The following CDC45 variants were observed in gnomAD, a reference collection of about 807,000 sequenced individuals.
CDC45 encodes cell division control protein 45 homolog.
CDC45 carries 54 observed loss-of-function variants against 77.8 expected under a neutral mutation model. That is an observed-to-expected ratio of 0.69 (90% CI 0.56 to 0.87). The LOEUF is 0.87. CDC45 is among the 40% of genes least tolerant of loss of function. CDC45 has a pLI of 0.00. For missense variants in CDC45, 649 were observed against 721.6 expected (o/e 0.90, Z 1.15); for synonymous variants, 260 against 272.1 (o/e 0.96, Z 0.44).
In CDC45 at chr22:19,511,615, C is replaced by A. The variant is rs976948826; in HGVS notation, c.1217+2924C>A. 2.2e-4 allele frequency among the ~76,000 whole-genome samples: 33 copies of A among 152,154 alleles called. 1 individual carries two copies. The highest frequency in any genetic ancestry group is 5.2e-4 in the Admixed American group (8 of 15,274). On this transcript the variant is annotated intron_variant, in intron 13 of 18. Coordinates refer to ENST00000263201, the MANE Select transcript of CDC45 (RefSeq NM_003504.5). Reference sequence around the variant, plus strand: ...AAAGCACTGGGATTATAGGTATGAACCACCGTGCCCAGCCTAAAACTTTTA... The same window carrying A: ...AAAGCACTGGGATTATAGGTATGAAACACCGTGCCCAGCCTAAAACTTTTA...
chr22:19,515,361 C>T (rs1003364568), intron 15 of CDC45, among the ~76,000 whole-genome samples: 2 of 152,138 alleles, frequency 1.3e-5, no homozygotes. Flanking sequence ...GTTGTAGCAC[C>T]GACTGGCTTC....
chr22:19,516,700 A>G (rs1362730636), intron 16 of CDC45, 55 bp downstream of exon 16: 2 of 1,477,504 alleles, frequency 1.4e-6, no homozygotes, highest in East Asian at 2.4e-5. Flanking sequence ...TGGGGTTATC[A>G]GCTTATTAGC....
intron 7 of CDC45, among the ~76,000 whole-genome samples, chr22:19,496,848 C>T (rs1306249157): frequency 6.6e-6 from 1 of 152,134 alleles, no homozygotes; most frequent in Non-Finnish European, 1.5e-5. Flanking sequence ...TTAAATGCTC[C>T]GATGTGGACA....
At position 19,520,478 on chromosome 22, in the gene CDC45, T is replaced by C. The variant is rs912067105; in HGVS notation, c.*2-3T>C. Reference sequence around the variant, plus strand: ...ACTTGTTTTTTCTTGTTTTGTTTTCTAGAATTTGATTCTTCCAGAATGACC... The same window carrying C: ...ACTTGTTTTTTCTTGTTTTGTTTTCCAGAATTTGATTCTTCCAGAATGACC... On this transcript the variant is annotated splice_polypyrimidine_tract_variant and splice_region_variant and intron_variant, in intron 18 of 18. Transcript: ENST00000263201. This position sits in a 1 kb window ranked among gnomAD's most constrained non-coding sequence, Gnocchi z 4.5. 3.3e-5 allele frequency: 5 copies of C among 152,270 alleles called. No individual in the cohort carries two copies. Among genetic ancestry groups the C allele is most frequent in the African/African-American group, 1.2e-4 (5 of 41,468 alleles). 9.4% of individuals were successfully genotyped at this position (152,270 alleles called of 1,614,324 possible). A position where few individuals can be genotyped will look rare whatever the true frequency, so the allele number is the denominator to read the frequency against.
At chr22:19,515,867 C>G (rs1933758566) in intron 15 of CDC45, among the ~76,000 whole-genome samples, 1 of 152,112 alleles carries the variant, frequency 6.6e-6, no homozygotes, top group Non-Finnish European at 1.5e-5. Context: ...ATTCATTTAC[C>G]AGACATGTAT....
intron 12 of CDC45, 138 bp from the exon 13 acceptor site, chr22:19,508,392 C>T (rs1601973775): frequency 2.2e-6 from 2 of 915,642 alleles, no homozygotes; most frequent in Non-Finnish European, 3.5e-6. Context: ...TCTGACCTGC[C>T]TCATCCTCTG....
At chr22:19,483,147 T>C (rs369823207) in intron 4 of CDC45, among the ~76,000 whole-genome samples, 78 of 151,966 alleles carry the variant, frequency 5.1e-4, no homozygotes, top group African/African-American at 1.5e-3. Context: ...TGAAATGGAG[T>C]CTTGGCTGGG....
At chr22:19,505,532 G>A (rs778061256) in intron 10 of CDC45, 51 bp downstream of exon 10, 21 of 1,603,322 alleles carry the variant, frequency 1.3e-5, no homozygotes, top group Admixed American at 3.3e-5. Context: ...CTGCTCAGCA[G>A]GCCTTGTTTG....
rs60107800 is a variant in CDC45 at position 19,493,239 on chromosome 22, G to GTTGTTTTGTTTTGTT, written c.487-1072_487-1058dup. Among the ~76,000 whole-genome samples, 299 of 146,894 alleles carry GTTGTTTTGTTTTGTT rather than the reference G, an allele frequency of 2.0e-3. 1 individual carries two copies. The highest frequency in any genetic ancestry group is 4.5e-3 in the African/African-American group (177 of 39,366). On this transcript the variant is annotated intron_variant, in intron 5 of 18. Transcript: ENST00000263201. The stretch of plus-strand genomic sequence containing the variant: ...GCAGCTTTTGTGGGTTTTTTTTTTT[G>GTTGTTTTGTTTTGTT]TTGTTTTGTTTTGTTTTGTTTTGTT...
Position 19,494,362 on chromosome 22 carries a change from G to A in CDC45, c.522G>A (p.Arg174=). 6.2e-7 allele frequency: 1 copy of A among 1,613,396 alleles called. No homozygotes were observed. The highest frequency in any genetic ancestry group is 8.5e-7 in the Non-Finnish European group (1 of 1,180,004). The change falls in exon 6 of 19, where the codon CGG becomes CGA. Residue 174 remains arginine, a synonymous_variant. Transcript: ENST00000263201. ...AGCAAACCATGCGGAGGAGGCAGCG[G>A]CGAGAGTGGGAGGCCCGGAGGTGAG... ...IVEQTMRRRQ[R]REWEARRRDI...
At chr22:19,512,604 G>A (rs549356599) in intron 13 of CDC45, among the ~76,000 whole-genome samples, 1 of 152,264 alleles carries the variant, frequency 6.6e-6, no homozygotes, top group South Asian at 2.1e-4. Context: ...TTTAGACATT[G>A]TCTACCAACT....
In CDC45 at chr22:19,496,044, GT is replaced by G; in HGVS notation, c.591+16del. The G allele has an allele frequency of 1.3e-6, 2 of 1,571,906 alleles. No homozygotes were observed. The highest frequency in any genetic ancestry group is 2.2e-5 in the South Asian group (2 of 90,038). ...ATGGGACATCGGTAAGTATGAATAG[GT>G]GGAACTCACTATAAAGTTCTGACTC... On this transcript the variant is annotated intron_variant, in intron 7 of 18. Coordinates refer to ENST00000263201, the MANE Select transcript of CDC45 (RefSeq NM_003504.5).
rs759588471 is a variant in CDC45, at chr22:19,483,909, T to C, written c.390T>C (p.Tyr130=). The C allele has an allele frequency of 9.3e-6, 15 of 1,613,432 alleles. No homozygotes were observed. The highest frequency in any genetic ancestry group is 1.6e-4 in the Middle Eastern group (1 of 6,082). Reference sequence around the variant, plus strand: ...ATGATGACCTTGAAGTTCCCGCCTATGAAGACATCTTCAGGGATGAAGAGG... The same window carrying C: ...ATGATGACCTTGAAGTTCCCGCCTACGAAGACATCTTCAGGGATGAAGAGG... ...KQDDDLEVPA[Y]EDIFRDEEED... is the part of the protein sequence containing the mutation. Residue 130 remains tyrosine, a synonymous_variant, in exon 5 of 19, where the codon TAT becomes TAC. Coordinates refer to ENST00000263201, the MANE Select transcript of CDC45 (RefSeq NM_003504.5).
Position 19,482,679 on chromosome 22 carries a change from C to CT in CDC45, c.205-4dup. On this transcript the variant is annotated splice_polypyrimidine_tract_variant and intron_variant, in intron 3 of 18. Transcript: ENST00000263201. ...GATATAGCTACTTTACAATATCTTCCTTTTTTTCAGTTTCATTATTTTATT... is the reference window on the plus strand; with the variant it reads ...GATATAGCTACTTTACAATATCTTCCTTTTTTTTCAGTTTCATTATTTTATT... The CT allele has an allele frequency of 2.5e-6, 4 of 1,611,984 alleles. No homozygotes were observed. Among genetic ancestry groups the CT allele is most frequent in the Non-Finnish European group, 3.4e-6 (4 of 1,178,328 alleles).
chr22:19,505,808 A>AGCGTGACGT lies in CDC45; in HGVS notation c.824+329_824+337dup, dbSNP rs1417975739. 2.6e-5 allele frequency among the ~76,000 whole-genome samples: 4 copies of AGCGTGACGT among 152,332 alleles called. No individual in the cohort carries two copies. The East Asian group carries it at 7.7e-4, about 29-fold the overall frequency. On this transcript the variant is annotated intron_variant, in intron 10 of 18. Coordinates refer to ENST00000263201, the MANE Select transcript of CDC45 (RefSeq NM_003504.5). The stretch of plus-strand genomic sequence containing the variant: ...GAAGGCAGCTGCCATGTAATCACAC[A>AGCGTGACGT]GCGTGACGTGTCTTTTGAGAAGCAC...
At chr22:19,480,653 A>G (rs534379747) in intron 2 of CDC45, among the ~76,000 whole-genome samples, 1 of 152,198 alleles carries the variant, frequency 6.6e-6, no homozygotes, top group Non-Finnish European at 1.5e-5. Context: ...TTTGGTTTTG[A>G]ATAGGGCATA....
intron 9 of CDC45, among the ~76,000 whole-genome samples, chr22:19,499,415 G>A (rs2090301009): frequency 6.6e-6 from 1 of 152,136 alleles, no homozygotes; most frequent in African/African-American, 2.4e-5. Context: ...TGCTTGTGCT[G>A]GGTGCTACCA....
intron 5 of CDC45, among the ~76,000 whole-genome samples, chr22:19,490,365 T>A: frequency 6.6e-6 from 1 of 152,024 alleles, no homozygotes. Context: ...TTTTTCTTGT[T>A]CTTTGTTATT....
chr22:19,512,077 C>A (rs1202508998), intron 13 of CDC45, among the ~76,000 whole-genome samples: 1 of 152,038 alleles, frequency 6.6e-6, no homozygotes, highest in African/African-American at 2.4e-5. Flanking sequence ...TTTGTAGAGA[C>A]ATGTTGGTCA....
Sources: allele counts gnomAD v4.1 joint callset (sites outside exome capture counted in the v4.1 genomes callset), GRCh38; gene constraint gnomAD v4.1.1; non-coding constraint Gnocchi (gnomAD v3.1); transcripts MANE v1.5; gene names NCBI Gene and HGNC (gene_info 2026-07-23, HGNC 2026-07-21).